MAML3: variants seen among roughly 807,000 people sequenced by gnomAD.
MAML3 encodes mastermind-like protein 3.
MAML3 carries 27 observed loss-of-function variants against 101.9 expected under a neutral mutation model. The observed-to-expected ratio is 0.27, with a 90% CI of 0.20 to 0.37. The LOEUF (loss-of-function observed/expected upper bound fraction) is 0.37, where lower values mean the gene tolerates loss of function less well. MAML3 is among the 10% of genes least tolerant of loss of function. The pLI, the probability that MAML3 is intolerant of heterozygous loss-of-function variation, is 1.00. For missense variants in MAML3, 1,316 were observed against 1,444.9 expected, an observed-to-expected ratio of 0.91 and a Z score of 1.45; for synonymous variants, 501 against 555.9, an observed-to-expected ratio of 0.90 and a Z score of 1.39.
intron 2 of MAML3, among the ~76,000 whole-genome samples, chr4:139,807,464 G>C (rs2111108816): frequency 6.6e-6 from 1 of 152,254 alleles, no homozygotes; most frequent in South Asian, 2.1e-4. Flanking sequence ...ACACATGCCG[G>C]CCTGTTAACA....
intron 1 of MAML3, among the ~76,000 whole-genome samples, chr4:139,939,499 C>T (rs1251341110): frequency 6.6e-6 from 1 of 152,116 alleles, no homozygotes; most frequent in Non-Finnish European, 1.5e-5. Flanking sequence ...TCCCCCACCT[C>T]CCCTGGTCAG....
intron 1 of MAML3, among the ~76,000 whole-genome samples, chr4:139,927,367 G>C (rs536436492): frequency 4.6e-5 from 7 of 152,162 alleles, no homozygotes; most frequent in Non-Finnish European, 8.8e-5. Flanking sequence ...CACTTGCTTA[G>C]GGTGGTTTAT....
rs78942615 is a variant in MAML3, at chr4:139,890,271, A to T, written c.1165T>A (p.Ser389Thr). The T allele has an allele frequency of 5.6e-6, 9 of 1,613,784 alleles. No individual in the cohort carries two copies. The part of the protein sequence containing the change: ...SSSGPPFSTV[S>T]TATSLPSVAS... ...ACAGAAGGTAAACTAGTGGCCGTGG[A>T]GACAGTAGAAAAGGGAGGACCAGAA... Residue 389 changes from serine (S) to threonine (T), a missense_variant, in exon 2 of 5, where the codon TCC becomes ACC. Physicochemically the swap from Ser to Thr is moderately conservative, Grantham distance 58. Transcript: ENST00000509479. This position sits in a 1 kb window ranked among gnomAD's most constrained non-coding sequence, Gnocchi z 4.1.
At chr4:139,817,573 T>G (rs914867424) in intron 2 of MAML3, among the ~76,000 whole-genome samples, 8 of 152,202 alleles carry the variant, frequency 5.3e-5, no homozygotes, top group Non-Finnish European at 1.2e-4. Flanking sequence ...TTACATGTCC[T>G]ATCCCTCCAT....
At chr4:140,034,288 AT>A (rs1254306796) in intron 1 of MAML3, among the ~76,000 whole-genome samples, 1 of 152,254 alleles carries the variant, frequency 6.6e-6, no homozygotes, top group African/African-American at 2.4e-5. Flanking sequence ...ATAAATGAAC[AT>A]CTGATGTGAG....
intron 1 of MAML3, among the ~76,000 whole-genome samples, chr4:140,093,257 A>T (rs1018847412): frequency 2.0e-5 from 3 of 152,150 alleles, no homozygotes; most frequent in African/African-American, 4.8e-5. Flanking sequence ...TTTCATTTTT[A>T]AAAAAATTTC....
chr4:140,074,952 C>T (rs1326215509), intron 1 of MAML3, among the ~76,000 whole-genome samples: 2 of 151,872 alleles, frequency 1.3e-5, no homozygotes, highest in African/African-American at 4.8e-5. Context: ...GGTCCCAGTC[C>T]CAAGATATCT....
intron 1 of MAML3, among the ~76,000 whole-genome samples, chr4:139,949,998 CT>C (rs1416897120): frequency 6.6e-6 from 1 of 152,220 alleles, no homozygotes; most frequent in African/African-American, 2.4e-5. Flanking sequence ...CACAGAAAAC[CT>C]GCCTATGCTT....
At position 139,735,021 on chromosome 4, in the gene MAML3, C is replaced by G. The variant is rs1453575669; in HGVS notation, c.2080-4354G>C. ...CCTCGTGCCCGGCCGCCGCTGCGCC[C>G]GCGCCCCCTCCCCTCGCAGATGGCT... On this transcript the variant is annotated intron_variant, in intron 2 of 4. Coordinates refer to ENST00000509479, the MANE Select transcript of MAML3 (RefSeq NM_018717.5). This position sits in a 1 kb window ranked among gnomAD's most constrained non-coding sequence, Gnocchi z 5.8. 1.3e-5 allele frequency among the ~76,000 whole-genome samples: 2 copies of G among 152,176 alleles called. No homozygotes were observed. Among genetic ancestry groups the G allele is most frequent in the Non-Finnish European group, 2.9e-5 (2 of 68,018 alleles).
intron 1 of MAML3, among the ~76,000 whole-genome samples, chr4:140,113,708 G>T (rs1426481368): frequency 6.6e-6 from 1 of 152,180 alleles, no homozygotes; most frequent in African/African-American, 2.4e-5. Context: ...TTGGGTGTTT[G>T]TAAGCTAACT....
At chr4:140,092,090 A>ATATATATATATATATACG (rs1553974741) in intron 1 of MAML3, among the ~76,000 whole-genome samples, 14 of 66,860 alleles carry the variant, frequency 2.1e-4, no homozygotes, top group African/African-American at 4.3e-4. Context: ...ATATATACGT[A>ATATATATATATATATACG]TATATATATA....
intron 1 of MAML3, among the ~76,000 whole-genome samples, chr4:139,914,596 C>T (rs925092800): frequency 6.6e-6 from 1 of 152,038 alleles, no homozygotes; most frequent in Non-Finnish European, 1.5e-5. Flanking sequence ...AAACTAATGG[C>T]AAGGAAAGAA....
intron 2 of MAML3, among the ~76,000 whole-genome samples, chr4:139,782,613 T>G (rs1465355960): frequency 2.0e-5 from 3 of 152,234 alleles, no homozygotes; most frequent in African/African-American, 4.8e-5. Context: ...ACATGCTAAA[T>G]GGAGGTGGGC....
chr4:139,941,568 A>G (rs1733597960), intron 1 of MAML3, among the ~76,000 whole-genome samples: 1 of 151,040 alleles, frequency 6.6e-6, no homozygotes, highest in African/African-American at 2.5e-5. Context: ...TGGTGGTGGT[A>G]TTGGTAGTGG....
chr4:140,146,562 C>T (rs1470543568), intron 1 of MAML3, among the ~76,000 whole-genome samples: 2 of 152,078 alleles, frequency 1.3e-5, no homozygotes, highest in African/African-American at 4.8e-5. Context: ...GCTGATTTTT[C>T]AGAAGCTACA....
In MAML3 at chr4:139,785,812, T is replaced by C. The variant is rs1730296129; in HGVS notation, c.2080-55145A>G. Among the ~76,000 whole-genome samples the C allele has an allele frequency of 6.6e-6, 1 of 152,144 alleles. No homozygotes were observed. Among genetic ancestry groups the C allele is most frequent in the African/African-American group, 2.4e-5 (1 of 41,440 alleles). On this transcript the variant is annotated intron_variant, in intron 2 of 4. Coordinates refer to ENST00000509479, the MANE Select transcript of MAML3 (RefSeq NM_018717.5). The surrounding 1 kb of genome is among the most constrained non-coding windows in gnomAD (Gnocchi z 4.3). Reference sequence around the variant, plus strand: ...GGGCAGCTTGTGGTTTGGAAGCTTCTCATACACAGAGAAGGGGGCCTGGGA... The same window carrying C: ...GGGCAGCTTGTGGTTTGGAAGCTTCCCATACACAGAGAAGGGGGCCTGGGA...
At chr4:139,856,291 A>C (rs1365652101) in intron 2 of MAML3, among the ~76,000 whole-genome samples, 1 of 152,256 alleles carries the variant, frequency 6.6e-6, no homozygotes, top group Admixed American at 6.5e-5. Context: ...TTAAGCAATA[A>C]GATGAATTTA....
intron 2 of MAML3, among the ~76,000 whole-genome samples, chr4:139,885,195 G>T (rs974928899): frequency 6.6e-6 from 1 of 151,942 alleles, no homozygotes; most frequent in African/African-American, 2.4e-5. Flanking sequence ...CAGTTCAGTG[G>T]TTGGACACTA....
At chr4:139,750,004 G>A (rs28421828) in intron 2 of MAML3, among the ~76,000 whole-genome samples, 7 of 151,766 alleles carry the variant, frequency 4.6e-5, no homozygotes, top group Admixed American at 2.6e-4. Context: ...GATTATTCAT[G>A]TCACTAGAGT....
Sources: gnomAD v4.1 joint callset for allele counts (sites outside exome capture counted in the v4.1 genomes callset) on GRCh38, gnomAD v4.1.1 for gene constraint, Gnocchi (gnomAD v3.1) non-coding constraint, MANE v1.5 for transcripts, NCBI Gene and HGNC (gene_info 2026-07-23, HGNC 2026-07-21) for gene names.